CREB5: variants seen among roughly 807,000 people sequenced by gnomAD.
CREB5 encodes cAMP responsive element binding protein 5.
In CREB5, 19 loss-of-function variants were observed where a neutral mutation model predicts 57.1. The ratio of observed to expected loss-of-function variants is 0.33; its 90% CI spans 0.23 to 0.49. The LOEUF (loss-of-function observed/expected upper bound fraction) is 0.49. Ranked by LOEUF, CREB5 falls within the 20% of genes least tolerant of loss-of-function variation. The pLI is 0.99. For missense variants in CREB5, 579 were observed against 671.6 expected, an observed-to-expected ratio of 0.86 and a Z score of 1.52; for synonymous variants, 238 against 238.3, an observed-to-expected ratio of 1.00 and a Z score of 0.01.
At chr7:28,344,735 A>G (rs1035302827) in intron 1 of CREB5, among the ~76,000 whole-genome samples, 4 of 152,094 alleles carry the variant, frequency 2.6e-5, no homozygotes, top group Non-Finnish European at 5.9e-5. Flanking sequence ...AAAAAAAAAG[A>G]CAAGATCCAA....
chr7:28,781,985 C>G (rs528825238), intron 7 of CREB5, among the ~76,000 whole-genome samples: 1 of 139,076 alleles, frequency 7.2e-6, no homozygotes, highest in Non-Finnish European at 1.6e-5. Flanking sequence ...AGGTTGGTCT[C>G]AAACTCTTGG....
intron 2 of CREB5, 86 bp downstream of exon 2, chr7:28,488,332 C>G (rs552633713): frequency 1.7e-6 from 2 of 1,200,760 alleles, no homozygotes; most frequent in African/African-American, 3.0e-5. Context: ...CATGCCTGCC[C>G]TGGGCTTTCC....
At chr7:28,712,991 A>C (rs994925123) in intron 5 of CREB5, among the ~76,000 whole-genome samples, 1 of 152,204 alleles carries the variant, frequency 6.6e-6, no homozygotes, top group African/African-American at 2.4e-5. Context: ...TAGTTTGCCA[A>C]ATTAGGCTAC....
At chr7:28,325,576 A>G (rs1785581144) in intron 1 of CREB5, among the ~76,000 whole-genome samples, 1 of 152,196 alleles carries the variant, frequency 6.6e-6, no homozygotes, top group African/African-American at 2.4e-5. Flanking sequence ...AGACCTTGTC[A>G]ACATCTCCAT....
intron 4 of CREB5, among the ~76,000 whole-genome samples, chr7:28,532,085 G>A (rs866004500): frequency 1.9e-4 from 29 of 152,242 alleles, no homozygotes; most frequent in Admixed American, 9.2e-4. Context: ...TTACTTCAAC[G>A]CAAGACACCA....
intron 1 of CREB5, among the ~76,000 whole-genome samples, chr7:28,444,759 CT>C (rs1391601551): frequency 1.3e-5 from 2 of 152,174 alleles, no homozygotes; most frequent in Non-Finnish European, 2.9e-5. Flanking sequence ...TCAATTCCCC[CT>C]GATGCCAGAG....
At chr7:28,460,789 C>T (rs177585) in intron 1 of CREB5, among the ~76,000 whole-genome samples, 34,643 of 151,156 alleles carry the variant, frequency 0.23, 4,502 homozygotes, top group African/African-American at 0.36. Flanking sequence ...AGTGAGGTGT[C>T]GGGGAGTTGT....
At chr7:28,664,913 C>T (rs1412090397) in intron 5 of CREB5, among the ~76,000 whole-genome samples, 2 of 152,152 alleles carry the variant, frequency 1.3e-5, no homozygotes, top group African/African-American at 4.8e-5. Context: ...AAAAGGAAGA[C>T]AGACCTGGCT....
At chr7:28,679,484 A>T (rs1345684732) in intron 5 of CREB5, among the ~76,000 whole-genome samples, 2 of 152,114 alleles carry the variant, frequency 1.3e-5, no homozygotes, top group Non-Finnish European at 2.9e-5. Flanking sequence ...TCAGGGTGTA[A>T]AAGGGAGGGG....
chr7:28,334,004 T>C (rs1785765678), intron 1 of CREB5, among the ~76,000 whole-genome samples: 2 of 152,202 alleles, frequency 1.3e-5, no homozygotes, highest in Non-Finnish European at 2.9e-5. Flanking sequence ...CTAATTTATA[T>C]TCCCACCAAC....
intron 1 of CREB5, among the ~76,000 whole-genome samples, chr7:28,421,945 C>T (rs1248292036): frequency 1.5e-5 from 1 of 68,258 alleles, no homozygotes; most frequent in East Asian, 4.7e-4. Context: ...TATATATATA[C>T]TCAACTGAGA....
intron 1 of CREB5, among the ~76,000 whole-genome samples, chr7:28,483,261 A>G (rs899439822): frequency 3.3e-5 from 5 of 152,200 alleles, no homozygotes; most frequent in Non-Finnish European, 7.3e-5. Flanking sequence ...TGCATGAGAC[A>G]TTGTGGACGA....
chr7:28,771,406 G>A (rs529825870), intron 7 of CREB5, among the ~76,000 whole-genome samples: 1 of 152,284 alleles, frequency 6.6e-6, no homozygotes, highest in African/African-American at 2.4e-5. Flanking sequence ...TTTTCTGGTT[G>A]TCCTCTGGAT....
intron 7 of CREB5, among the ~76,000 whole-genome samples, chr7:28,784,663 A>T (rs554789524): frequency 6.6e-6 from 1 of 152,244 alleles, no homozygotes; most frequent in African/African-American, 2.4e-5. Flanking sequence ...TTTGTCTGCT[A>T]CCCTGGCAGG....
rs1809947780 is a variant in CREB5 at position 28,824,336 on chromosome 7, CAA to C, written c.*5059_*5060del. On this transcript the variant is annotated 3_prime_UTR_variant, in exon 11 of 11. Coordinates refer to ENST00000357727, the MANE Select transcript of CREB5 (RefSeq NM_182898.4). ...AAGAATTTTCTCTCACCTTCCAAAC[CAA>C]AGTGTCCTGAATAAGCCAGGAGACT... is the stretch of plus-strand genomic sequence containing the variant. 6.6e-6 allele frequency: 1 copy of C among 152,578 alleles called. No homozygotes were observed. The highest frequency in any genetic ancestry group is 1.5e-5 in the Non-Finnish European group (1 of 68,040). The allele number at this position is 152,578 out of a possible 1,614,324, so 9.5% of individuals were successfully genotyped here.
At chr7:28,693,561 T>G (rs1268236030) in intron 5 of CREB5, among the ~76,000 whole-genome samples, 8 of 152,070 alleles carry the variant, frequency 5.3e-5, no homozygotes, top group Non-Finnish European at 1.0e-4. Context: ...AAAACAAGCT[T>G]TTGTGCAGAG....
chr7:28,559,458 GC>G lies in CREB5; in HGVS notation c.292-10906del, dbSNP rs567557472. On this transcript the variant is annotated intron_variant, in intron 4 of 10. Coordinates refer to ENST00000357727, the MANE Select transcript of CREB5 (RefSeq NM_182898.4). ...GCCTCCTGAGTAGCGGGGATTACAG[GC>G]ATGTGCCACCACACCCAGCTAATTT... Among the ~76,000 whole-genome samples the G allele has an allele frequency of 6.6e-5, 10 of 152,248 alleles. No homozygotes were observed. In the East Asian group the frequency reaches 1.9e-3, roughly 29 times the overall value.
chr7:28,532,159 A>C (rs1793757983), intron 4 of CREB5, among the ~76,000 whole-genome samples: 1 of 152,216 alleles, frequency 6.6e-6, no homozygotes, highest in African/African-American at 2.4e-5. Context: ...AGGACACTCA[A>C]GCAGCCCTGT....
intron 5 of CREB5, among the ~76,000 whole-genome samples, chr7:28,646,650 GA>G (rs1188451707): frequency 6.6e-6 from 1 of 152,106 alleles, no homozygotes; most frequent in Non-Finnish European, 1.5e-5. Context: ...TTTAAACTTA[GA>G]AGAAAGAAAT....
Sources: allele counts gnomAD v4.1 joint callset (sites outside exome capture counted in the v4.1 genomes callset), GRCh38; gene constraint gnomAD v4.1.1; transcripts MANE v1.5; gene names NCBI Gene and HGNC (gene_info 2026-07-23, HGNC 2026-07-21).